The following VPS13B variants were observed in gnomAD, a reference collection of about 807,000 sequenced individuals.
VPS13B encodes the protein vacuolar protein sorting 13 homolog B, also known as intermembrane lipid transfer protein VPS13B.
VPS13B carries 285 observed loss-of-function variants against 426.4 expected under a neutral mutation model. The ratio of observed to expected loss-of-function variants is 0.67; its 90% CI spans 0.61 to 0.74. The LOEUF (loss-of-function observed/expected upper bound fraction) is 0.74. Among genes scored for constraint, VPS13B ranks in the 30% least tolerant of loss-of-function variants. The pLI, the probability that VPS13B is intolerant of heterozygous loss-of-function variation, is 0.00. For missense variants in VPS13B, 4,537 were observed against 4,782.6 expected, an observed-to-expected ratio of 0.95 and a Z score of 1.51; for synonymous variants, 1,676 against 1,676.4, an observed-to-expected ratio of 1.00 and a Z score of 0.01.
At chr8:99,303,730 C>CAAAAAAAAAAAAAAAAAAAAAAAAA (rs58708195) in intron 19 of VPS13B, among the ~76,000 whole-genome samples, 1 of 63,716 alleles carries the variant, frequency 1.6e-5, no homozygotes, top group African/African-American at 7.1e-5. Flanking sequence ...GACTCCGTCT[C>CAAAAAAAAAAAAAAAAAAAAAAAAA]AAAAAAAAAA....
intron 17 of VPS13B, chr8:99,233,069 C>T (rs1048515699): frequency 1.1e-5 from 14 of 1,312,508 alleles, no homozygotes; most frequent in African/African-American, 8.8e-5. Flanking sequence ...CGCTGTGAGG[C>T]GACTCCCTGA....
At chr8:99,697,100 C>G in intron 35 of VPS13B, 1 of 528,684 alleles carries the variant, frequency 1.9e-6, no homozygotes, top group Non-Finnish European at 3.5e-6. Flanking sequence ...GATGTACCTC[C>G]CAGAAACTCT....
intron 60 of VPS13B, 132 bp from the exon 61 acceptor site, chr8:99,871,316 C>G (rs966916471): frequency 4.4e-6 from 6 of 1,358,856 alleles, no homozygotes; most frequent in African/African-American, 2.9e-5. Context: ...ACATTTCAAG[C>G]TAAAATGGGT....
chr8:99,833,859 A>G (rs1430863572), intron 52 of VPS13B, among the ~76,000 whole-genome samples: 2 of 152,230 alleles, frequency 1.3e-5, no homozygotes, highest in Non-Finnish European at 2.9e-5. Flanking sequence ...TGGCTATCAA[A>G]AAGAAGTTAT....
At chr8:99,252,399 A>G (rs1817549725) in intron 17 of VPS13B, among the ~76,000 whole-genome samples, 1 of 151,998 alleles carries the variant, frequency 6.6e-6, no homozygotes, top group Non-Finnish European at 1.5e-5. Flanking sequence ...TTTGAATCTA[A>G]TGTGGTCTGA....
chr8:99,384,227 T>C lies in VPS13B; in HGVS notation c.2844T>C (p.Ser948=). Residue 948 remains serine, a synonymous_variant, in exon 20 of 62, where the codon AGT becomes AGC. Transcript: ENST00000357162. ...TTTTAGGTGCTGTACTTCTTTGCAG[T>C]ATACAAGGACTAGCAGTTAATATTG... ...CHNSGAVLLC[S]IQGLAVNIDP... The C allele has an allele frequency of 6.2e-7, 1 of 1,613,978 alleles. No individual in the cohort carries two copies.
chr8:99,132,983 A>G (rs186778242), intron 8 of VPS13B, among the ~76,000 whole-genome samples: 9 of 152,302 alleles, frequency 5.9e-5, no homozygotes, highest in African/African-American at 2.2e-4. Context: ...AATGAACACT[A>G]TCTTCAACTT....
In VPS13B at chr8:99,875,656, G is replaced by T; in HGVS notation, c.11984G>T (p.Gly3995Val). 1 of 1,614,108 alleles carries T rather than the reference G, an allele frequency of 6.2e-7. No individual in the cohort carries two copies. The highest frequency in any genetic ancestry group is 1.1e-5 in the South Asian group (1 of 91,072). ...GTGAAAAATAAAGCCCTGAGGAAAG[G>T]GTTTCCTTGAGTCCCCTCTGAGGTG... ...TMVKNKALRK[G>V]FP Residue 3995 changes from glycine (G) to valine (V), a missense_variant, in exon 62 of 62, where the codon GGG (glycine) becomes GTG (valine). Transcript: ENST00000357162.
At chr8:99,468,095 C>T (rs145484078) in intron 24 of VPS13B, among the ~76,000 whole-genome samples, 2 of 152,254 alleles carry the variant, frequency 1.3e-5, no homozygotes, top group Admixed American at 6.5e-5. Context: ...TGGCGTGCTG[C>T]ACCCGTTAAC....
intron 19 of VPS13B, chr8:99,341,692 T>C: frequency 2.8e-6 from 1 of 361,688 alleles, no homozygotes; most frequent in South Asian, 2.8e-5. Context: ...CCGTTCCAAC[T>C]ATTAAAATGT....
chr8:99,860,456 T>C (rs1439809416), intron 57 of VPS13B, among the ~76,000 whole-genome samples: 1 of 152,238 alleles, frequency 6.6e-6, no homozygotes, highest in Non-Finnish European at 1.5e-5. Context: ...GTGGTTCTGT[T>C]GTTTTTATGT....
chr8:99,053,612 C>G (rs1587970108), intron 3 of VPS13B, among the ~76,000 whole-genome samples: 1 of 150,214 alleles, frequency 6.7e-6, no homozygotes, highest in African/African-American at 2.4e-5. Context: ...GCTTATTTCA[C>G]TTAGCACAGT....
intron 27 of VPS13B, among the ~76,000 whole-genome samples, chr8:99,506,342 G>C (rs75696640): frequency 0.037 from 5,594 of 152,238 alleles, 147 homozygotes; most frequent in Non-Finnish European, 0.053. Flanking sequence ...GTATGTGTCT[G>C]TATCAAAATG....
At chr8:99,219,271 A>G (rs138807622) in intron 17 of VPS13B, among the ~76,000 whole-genome samples, 1 of 152,336 alleles carries the variant, frequency 6.6e-6, no homozygotes, top group African/African-American at 2.4e-5. Context: ...TGCCCACTGA[A>G]TAGCTGGAGC....
chr8:99,233,405 C>A, intron 17 of VPS13B: 1 of 1,150,882 alleles, frequency 8.7e-7, no homozygotes, highest in South Asian at 1.2e-5. Context: ...GAGGCTCTGG[C>A]GAGTCTTGCC....
intron 21 of VPS13B, among the ~76,000 whole-genome samples, chr8:99,418,454 G>GTTTTCT (rs1443785296): frequency 5.9e-5 from 8 of 134,768 alleles, no homozygotes; most frequent in African/African-American, 2.2e-4. Context: ...CTTTATCATA[G>GTTTTCT]TTTTCTTTCT....
intron 54 of VPS13B, among the ~76,000 whole-genome samples, chr8:99,843,037 C>T (rs1437946453): frequency 6.6e-6 from 1 of 152,166 alleles, no homozygotes; most frequent in Non-Finnish European, 1.5e-5. Flanking sequence ...CCTGTAATCC[C>T]AGCTACTCAG....
intron 43 of VPS13B, among the ~76,000 whole-genome samples, chr8:99,808,698 A>G (rs985943849): frequency 2.6e-5 from 4 of 151,988 alleles, no homozygotes; most frequent in Admixed American, 6.5e-5. Context: ...TATGACCCCA[A>G]AACAAATCCA....
intron 16 of VPS13B, among the ~76,000 whole-genome samples, chr8:99,190,867 C>T (rs1813529938): frequency 6.6e-6 from 1 of 151,768 alleles, no homozygotes; most frequent in Admixed American, 6.6e-5. Context: ...ATATATTTAC[C>T]ATTCCCATTC....
Sources: gnomAD v4.1 joint callset for allele counts (sites outside exome capture counted in the v4.1 genomes callset) on GRCh38, gnomAD v4.1.1 for gene constraint, MANE v1.5 for transcripts, NCBI Gene and HGNC (gene_info 2026-07-23, HGNC 2026-07-21) for gene names.